SPATA13: variants seen among roughly 807,000 people sequenced by gnomAD.
SPATA13 encodes the protein spermatogenesis associated 13.
SPATA13 carries 50 observed loss-of-function variants against 104.0 expected under a neutral mutation model. That is an observed-to-expected ratio of 0.48 (90% CI 0.38 to 0.61). SPATA13 has a LOEUF of 0.61. SPATA13 is among the 20% of genes least tolerant of loss of function. SPATA13 has a pLI of 0.00. For missense variants in SPATA13, 1,524 were observed against 1,690.6 expected (o/e 0.90, Z 1.73); for synonymous variants, 606 against 667.5 (o/e 0.91, Z 1.42).
intron 3 of SPATA13, among the ~76,000 whole-genome samples, chr13:24,042,511 CAA>C (rs765653053): frequency 3.3e-5 from 5 of 152,178 alleles, no homozygotes; most frequent in Non-Finnish European, 7.3e-5. Flanking sequence ...ATCAGAGACA[CAA>C]GTGCACGTCC....
At chr13:24,077,762 A>G (rs1879383638) in intron 3 of SPATA13, among the ~76,000 whole-genome samples, 1 of 152,180 alleles carries the variant, frequency 6.6e-6, no homozygotes, top group African/African-American at 2.4e-5. Context: ...AGGAAAATGC[A>G]TGCCCATCTC....
At chr13:24,041,631 T>G (rs7331859) in intron 3 of SPATA13, among the ~76,000 whole-genome samples, 70,196 of 152,150 alleles carry the variant, frequency 0.46, 16,859 homozygotes, top group African/African-American at 0.58. Context: ...TTTCATTCTT[T>G]TTCTTCTTAG....
Position 24,088,278 on chromosome 13 carries a change from C to T in SPATA13, c.-112+70577C>T, listed in dbSNP as rs998420750. On this transcript the variant is annotated intron_variant, in intron 3 of 14. Coordinates refer to the SPATA13 transcript ENST00000424834. The surrounding 1 kb of genome is among the most constrained non-coding windows in gnomAD (Gnocchi z 4.3). ...GTTTGCATTCTACAGATGAGCACACCGAGGCTCAGAGCGGTAAGGAATTGG... is the reference window on the plus strand; with the variant it reads ...GTTTGCATTCTACAGATGAGCACACTGAGGCTCAGAGCGGTAAGGAATTGG... 2.0e-5 allele frequency among the ~76,000 whole-genome samples: 3 copies of T among 152,098 alleles called. No individual in the cohort carries two copies. The highest frequency in any genetic ancestry group is 6.5e-5 in the Admixed American group (1 of 15,278).
At chr13:24,090,243 G>T (rs1346137384) in intron 3 of SPATA13, among the ~76,000 whole-genome samples, 1 of 151,858 alleles carries the variant, frequency 6.6e-6, no homozygotes, top group Non-Finnish European at 1.5e-5. Context: ...ACTCACATGT[G>T]TTGACTTCTC....
chr13:24,002,441 C>T (rs1374245181), intron 2 of SPATA13, among the ~76,000 whole-genome samples: 1 of 152,078 alleles, frequency 6.6e-6, no homozygotes, highest in Non-Finnish European at 1.5e-5. Context: ...AGAGAGGGGA[C>T]AGAGTGACAC....
chr13:24,164,778 A>T (rs938072168), intron 1 of SPATA13, among the ~76,000 whole-genome samples: 1 of 152,140 alleles, frequency 6.6e-6, no homozygotes, highest in African/African-American at 2.4e-5. Context: ...CTGAGGCAGA[A>T]ACGGCACCAC....
intron 3 of SPATA13, among the ~76,000 whole-genome samples, chr13:24,096,312 A>G (rs935218325): frequency 2.0e-5 from 3 of 152,204 alleles, no homozygotes; most frequent in Non-Finnish European, 4.4e-5. Context: ...AATAACAAGG[A>G]GGCCTGGGTG....
At chr13:24,182,022 A>G (rs1004288039) in intron 1 of SPATA13, among the ~76,000 whole-genome samples, 3 of 152,210 alleles carry the variant, frequency 2.0e-5, no homozygotes, top group Non-Finnish European at 4.4e-5. Flanking sequence ...AGTGTCTGAC[A>G]TGTAATAAAT....
At chr13:24,284,974 AT>A (rs1875822144) in intron 5 of SPATA13, among the ~76,000 whole-genome samples, 1 of 152,072 alleles carries the variant, frequency 6.6e-6, no homozygotes, top group Admixed American at 6.6e-5. Context: ...CTCCCTCCAA[AT>A]CTGGTGTTCC....
chr13:24,211,279 TC>T (rs1279268195), intron 1 of SPATA13, among the ~76,000 whole-genome samples: 1 of 152,222 alleles, frequency 6.6e-6, no homozygotes, highest in Non-Finnish European at 1.5e-5. Context: ...TTCTAGGACT[TC>T]CAGGATTATG....
rs139189340 is a variant in SPATA13 at position 24,033,310 on chromosome 13, G to A, written c.-112+15609G>A. On this transcript the variant is annotated intron_variant, in intron 3 of 14. Coordinates refer to the SPATA13 transcript ENST00000424834. ...AAAAAGCAATCAAGTCAAGAGGCAG[G>A]CATGGAGAGGCTCCTTTCTATTTGT... Among the ~76,000 whole-genome samples the A allele has an allele frequency of 2.8e-3, 419 of 152,336 alleles. 4 individuals are homozygous for A. The highest frequency in any genetic ancestry group is 9.7e-3 in the African/African-American group (404 of 41,566).
intron 4 of SPATA13, among the ~76,000 whole-genome samples, chr13:24,255,132 C>G (rs909997445): frequency 1.3e-5 from 2 of 152,246 alleles, no homozygotes; most frequent in African/African-American, 4.8e-5. Context: ...AAAGCCATCT[C>G]TCCTACTCAG....
At chr13:24,253,805 G>C (rs192689205) in intron 4 of SPATA13, among the ~76,000 whole-genome samples, 3 of 152,112 alleles carry the variant, frequency 2.0e-5, no homozygotes, top group Non-Finnish European at 4.4e-5. Context: ...CCCAAAGACA[G>C]GCAGGAAACA....
chr13:23,980,281 T>G (rs990406590), intron 1 of SPATA13, among the ~76,000 whole-genome samples: 1 of 152,194 alleles, frequency 6.6e-6, no homozygotes, highest in Non-Finnish European at 1.5e-5. Context: ...AAAGCCAGCC[T>G]GGCGGTCGCG....
chr13:24,284,304 G>A (rs1472144914), intron 5 of SPATA13, 33 bp downstream of exon 5: 4 of 1,589,168 alleles, frequency 2.5e-6, no homozygotes, highest in East Asian at 2.3e-5. Flanking sequence ...TAGTGGATAC[G>A]GGATACCTGA....
At chr13:23,985,040 G>A (rs568164767) in intron 2 of SPATA13, among the ~76,000 whole-genome samples, 48 of 152,258 alleles carry the variant, frequency 3.2e-4, no homozygotes, top group African/African-American at 1.1e-3. Flanking sequence ...CACCTCAGAC[G>A]CACCCTCCTC....
chr13:24,242,158 G>T (rs926636654), intron 2 of SPATA13, among the ~76,000 whole-genome samples: 1 of 152,174 alleles, frequency 6.6e-6, no homozygotes, highest in African/African-American at 2.4e-5. Flanking sequence ...ATCGACACTT[G>T]GTTCCATAGA....
intron 1 of SPATA13, among the ~76,000 whole-genome samples, chr13:24,167,170 A>G (rs1566129530): frequency 6.6e-6 from 1 of 152,178 alleles, no homozygotes; most frequent in Non-Finnish European, 1.5e-5. Context: ...TGATCCTTGT[A>G]AAATGCCAGA....
rs907898054 is a variant in SPATA13, at chr13:24,205,029, CAA to C, written c.-111-17789_-111-17788del. Among the ~76,000 whole-genome samples the C allele has an allele frequency of 2.0e-5, 3 of 152,182 alleles. No individual in the cohort carries two copies. Among genetic ancestry groups the C allele is most frequent in the African/African-American group, 7.2e-5 (3 of 41,452 alleles). On this transcript the variant is annotated intron_variant, in intron 1 of 12. Transcript: ENST00000382108. This position sits in a 1 kb window ranked among gnomAD's most constrained non-coding sequence, Gnocchi z 4.1. ...GAAGGATTCCCCTTGAAAACCGACACAAGACAAGAATGGCCTCTCTCTCACCA... is the reference window on the plus strand; with the variant it reads ...GAAGGATTCCCCTTGAAAACCGACACGACAAGAATGGCCTCTCTCTCACCA...
Sources: allele counts gnomAD v4.1 joint callset (sites outside exome capture counted in the v4.1 genomes callset), GRCh38; gene constraint gnomAD v4.1.1; non-coding constraint Gnocchi (gnomAD v3.1); transcripts MANE v1.5; gene names NCBI Gene and HGNC (gene_info 2026-07-23, HGNC 2026-07-21).